Variants in CDK15 observed in about 807,000 individuals in gnomAD.
CDK15 encodes the protein cyclin dependent kinase 15, also known as cyclin-dependent kinase 15.
In CDK15, 62 loss-of-function variants were observed where a neutral mutation model predicts 60.3. That is an observed-to-expected ratio of 1.03 (90% CI 0.84 to 1.27). The LOEUF (loss-of-function observed/expected upper bound fraction) is 1.27, where lower values mean the gene tolerates loss of function less well. Ranked by LOEUF, CDK15 falls within the 50% of genes most tolerant of loss-of-function variation. The pLI is 0.00. For missense variants in CDK15, 541 were observed against 527.8 expected (o/e 1.03, Z -0.25); for synonymous variants, 194 against 195.7 (o/e 0.99, Z 0.07).
chr2:201,890,226 C>A (rs889049192), intron 12 of CDK15, among the ~76,000 whole-genome samples: 1 of 152,194 alleles, frequency 6.6e-6, no homozygotes, highest in Non-Finnish European at 1.5e-5. Flanking sequence ...CTGGTTCCAA[C>A]TATTTTTCCA....
intron 9 of CDK15, among the ~76,000 whole-genome samples, chr2:201,852,068 G>T (rs889289615): frequency 6.6e-6 from 1 of 152,094 alleles, no homozygotes; most frequent in Non-Finnish European, 1.5e-5. Flanking sequence ...TCCCATCGTA[G>T]GTTGTCTCTT....
chr2:201,848,280 G>T (rs914242328), intron 9 of CDK15, among the ~76,000 whole-genome samples: 1 of 151,946 alleles, frequency 6.6e-6, no homozygotes, highest in African/African-American at 2.4e-5. Flanking sequence ...TATCCCTACC[G>T]CAGTTGCCTA....
chr2:201,837,657 C>T (rs1697189480), intron 8 of CDK15, among the ~76,000 whole-genome samples: 1 of 152,060 alleles, frequency 6.6e-6, no homozygotes, highest in Non-Finnish European at 1.5e-5. Context: ...GGATCATGTT[C>T]CTGGAGACTT....
At chr2:201,892,000 G>T (rs1184627476) in intron 13 of CDK15, among the ~76,000 whole-genome samples, 1 of 152,066 alleles carries the variant, frequency 6.6e-6, no homozygotes, top group African/African-American at 2.4e-5. Flanking sequence ...TCTTTCTTTT[G>T]ATCTCTATCT....
intron 5 of CDK15, among the ~76,000 whole-genome samples, chr2:201,823,305 G>C (rs1305211219): frequency 6.6e-6 from 1 of 152,046 alleles, no homozygotes; most frequent in Non-Finnish European, 1.5e-5. Flanking sequence ...TTGTATTTTT[G>C]GAAGAAAAAA....
At chr2:201,873,779 C>A (rs1331125936) in intron 11 of CDK15, among the ~76,000 whole-genome samples, 1 of 152,156 alleles carries the variant, frequency 6.6e-6, no homozygotes, top group Non-Finnish European at 1.5e-5. Flanking sequence ...TAGGCTGGGC[C>A]CGGTGGCTTA....
chr2:201,879,687 G>A (rs1233577625), intron 11 of CDK15, among the ~76,000 whole-genome samples: 1 of 152,122 alleles, frequency 6.6e-6, no homozygotes, highest in African/African-American at 2.4e-5. Flanking sequence ...GGTTGGGGCT[G>A]CAGTGTTCCT....
intron 12 of CDK15, among the ~76,000 whole-genome samples, chr2:201,880,967 G>A (rs1170160838): frequency 6.6e-6 from 1 of 152,186 alleles, no homozygotes; most frequent in Non-Finnish European, 1.5e-5. Flanking sequence ...AAAAACAGAA[G>A]AGAGAGAAGC....
chr2:201,856,012 G>C (rs1698132300), intron 10 of CDK15, among the ~76,000 whole-genome samples: 1 of 152,050 alleles, frequency 6.6e-6, no homozygotes, highest in African/African-American at 2.4e-5. Flanking sequence ...ATTTTTAGTA[G>C]AGATGAGGTT....
intron 6 of CDK15, among the ~76,000 whole-genome samples, chr2:201,827,516 A>C (rs1228713458): frequency 3.3e-5 from 5 of 152,220 alleles, no homozygotes; most frequent in Admixed American, 3.3e-4. Flanking sequence ...GAGTTGAGAG[A>C]AAATAATATG....
At chr2:201,812,229 A>G (rs1695809637) in intron 3 of CDK15, among the ~76,000 whole-genome samples, 1 of 151,838 alleles carries the variant, frequency 6.6e-6, no homozygotes, top group Admixed American at 6.6e-5. Context: ...GTCAGATGAA[A>G]AATAATAATA....
chr2:201,855,787 T>C (rs1698118674), intron 10 of CDK15, among the ~76,000 whole-genome samples: 1 of 152,096 alleles, frequency 6.6e-6, no homozygotes. Flanking sequence ...CATTGTTCCA[T>C]TACTAAAAAT....
intron 9 of CDK15, among the ~76,000 whole-genome samples, chr2:201,849,534 T>C (rs569766300): frequency 8.6e-5 from 13 of 151,748 alleles, no homozygotes; most frequent in East Asian, 7.7e-4. Context: ...TGTAAGAAGC[T>C]ATAAGCCAAG....
At chr2:201,843,849 T>C (rs1450543624) in intron 8 of CDK15, among the ~76,000 whole-genome samples, 1 of 152,208 alleles carries the variant, frequency 6.6e-6, no homozygotes, top group Admixed American at 6.5e-5. Context: ...TTTTTGCCAA[T>C]ATATTTTACA....
intron 8 of CDK15, among the ~76,000 whole-genome samples, chr2:201,838,251 G>C (rs985823024): frequency 6.6e-6 from 1 of 151,976 alleles, no homozygotes; most frequent in African/African-American, 2.4e-5. Flanking sequence ...TTCACAGCTG[G>C]GGGTGGGGTG....
intron 13 of CDK15, among the ~76,000 whole-genome samples, chr2:201,892,552 C>T (rs570312124): frequency 6.6e-6 from 1 of 152,174 alleles, no homozygotes; most frequent in Non-Finnish European, 1.5e-5. Context: ...GTGGCCTGCG[C>T]CAGCAATTGA....
intron 10 of CDK15, among the ~76,000 whole-genome samples, chr2:201,866,064 G>A (rs960753718): frequency 6.6e-6 from 1 of 151,168 alleles, no homozygotes; most frequent in Non-Finnish European, 1.5e-5. Flanking sequence ...TGAGGGTGAA[G>A]GGCACGTAGG....
intron 4 of CDK15, among the ~76,000 whole-genome samples, chr2:201,814,851 T>C (rs931627512): frequency 2.6e-5 from 4 of 152,230 alleles, no homozygotes; most frequent in Non-Finnish European, 4.4e-5. Flanking sequence ...AGAATACATG[T>C]GGCAATTTAC....
chr2:201,848,121 C>A (rs1315227342), intron 9 of CDK15, among the ~76,000 whole-genome samples: 2 of 152,220 alleles, frequency 1.3e-5, no homozygotes, highest in Non-Finnish European at 2.9e-5. Flanking sequence ...AAAAAAGACA[C>A]AAAATTTTCA....
Sources: allele counts gnomAD v4.1 joint callset (sites outside exome capture counted in the v4.1 genomes callset), GRCh38; gene constraint gnomAD v4.1.1; transcripts MANE v1.5; gene names NCBI Gene and HGNC (gene_info 2026-07-23, HGNC 2026-07-21).